The following FAM47E variants were observed in gnomAD, a reference collection of about 807,000 sequenced individuals.
FAM47E encodes the protein family with sequence similarity 47 member E, also known as protein FAM47E.
A neutral mutation model predicts 41.6 loss-of-function variants in FAM47E; 32 were observed. The ratio of observed to expected loss-of-function variants is 0.77; its 90% CI spans 0.58 to 1.03. The LOEUF (loss-of-function observed/expected upper bound fraction) is 1.03. Ranked by LOEUF, FAM47E falls within the 50% of genes least tolerant of loss-of-function variation. The probability of loss-of-function intolerance (pLI) is 0.00; values close to 1 mark genes in which losing one functional copy is unlikely to be tolerated. For missense variants in FAM47E, 424 were observed against 485.4 expected (o/e 0.87, Z 1.19); for synonymous variants, 184 against 188.7 (o/e 0.98, Z 0.20).
At chr4:76,280,589 T>C (rs1345871940) in intron 7 of FAM47E, 4 of 359,240 alleles carry the variant, frequency 1.1e-5, no homozygotes, top group African/African-American at 6.2e-5. Context: ...CCTGTGATCT[T>C]TGACTCATCT....
At chr4:76,215,139 T>C (rs561357050) in intron 1 of FAM47E, among the ~76,000 whole-genome samples, 2 of 152,326 alleles carry the variant, frequency 1.3e-5, no homozygotes, top group South Asian at 4.1e-4. Context: ...TAGGGATAAA[T>C]ATCAGGGTAT....
chr4:76,216,110 G>C (rs1733202150), intron 1 of FAM47E, among the ~76,000 whole-genome samples: 1 of 152,164 alleles, frequency 6.6e-6, no homozygotes, highest in East Asian at 1.9e-4. Context: ...GTGGTCTCCA[G>C]TCCTCAGGTG....
At position 76,235,629 on chromosome 4, in the gene FAM47E, C is replaced by G. The variant is rs116361144; in HGVS notation, c.81+17941C>G. ...ACAGATAGGGATTCCCAGTTAAGGGCTCAAGAGAGATCAACCTGTTAAGAG... is the reference window on the plus strand; with the variant it reads ...ACAGATAGGGATTCCCAGTTAAGGGGTCAAGAGAGATCAACCTGTTAAGAG... On this transcript the variant is annotated intron_variant, in intron 2 of 7. Transcript: ENST00000510197. Among the ~76,000 whole-genome samples the G allele has an allele frequency of 4.2e-3, 639 of 152,260 alleles. 3 individuals are homozygous for G. The highest frequency in any genetic ancestry group is 7.5e-3 in the Non-Finnish European group (510 of 68,020).
Position 76,268,769 on chromosome 4 carries a change from G to A in FAM47E, c.669+1G>A. ...TCCTCGTCCTGGTCTTCATGAAAAT[G>A]TATGCAAAGCAGTTAGTGACTTCTG... On this transcript the variant is annotated splice_donor_variant, in intron 4 of 7. Transcript: ENST00000424749. LOFTEE classifies it high-confidence loss of function. The A allele has an allele frequency of 6.4e-7, 1 of 1,551,436 alleles. No individual in the cohort carries two copies. Among genetic ancestry groups the A allele is most frequent in the Non-Finnish European group, 8.7e-7 (1 of 1,146,900 alleles).
intron 5 of FAM47E, among the ~76,000 whole-genome samples, chr4:76,273,420 C>T (rs1394010064): frequency 1.3e-5 from 2 of 152,206 alleles, no homozygotes; most frequent in East Asian, 3.8e-4. Context: ...AGTTAATTCA[C>T]AGTTTTAAAA....
Position 76,256,184 on chromosome 4 carries a change from C to T in FAM47E, c.81C>T (p.Phe27=), listed in dbSNP as rs1734182790. 6.4e-7 allele frequency: 1 copy of T among 1,550,418 alleles called. No homozygotes were observed. Among genetic ancestry groups the T allele is most frequent in the African/African-American group, 1.4e-5 (1 of 72,974 alleles). ...REGVNCRSRC[F]TKHKNGLKFP... Reference sequence around the variant, plus strand: ...GAATCTATCTACCTTCCAGATGTTTCACAAAGCACAAGAACGGGCTGAAGT... The same window carrying T: ...GAATCTATCTACCTTCCAGATGTTTTACAAAGCACAAGAACGGGCTGAAGT... Residue 27 remains phenylalanine (F), a synonymous_variant, in exon 2 of 8, where the codon TTC becomes TTT. Coordinates refer to ENST00000424749, the MANE Select transcript of FAM47E (RefSeq NM_001136570.3).
intron 1 of FAM47E, 69 bp from the exon 2 acceptor site, chr4:76,256,109 C>T (rs1734179937): frequency 6.8e-7 from 1 of 1,477,706 alleles, no homozygotes; most frequent in Non-Finnish European, 9.1e-7. Context: ...TTCTCCCACC[C>T]AAGTCCTGTG....
chr4:76,269,699 G>A (rs985170271), intron 4 of FAM47E: 4 of 151,930 alleles, frequency 2.6e-5, no homozygotes, highest in African/African-American at 9.7e-5. Flanking sequence ...GAGGTGGGAG[G>A]ATTGCTTGAG....
chr4:76,215,732 G>C (rs1347071726), intron 1 of FAM47E, among the ~76,000 whole-genome samples: 3 of 152,084 alleles, frequency 2.0e-5, no homozygotes, highest in Non-Finnish European at 4.4e-5. Context: ...GGAGACTGCT[G>C]CAGAGAACAT....
chr4:76,242,845 A>G (rs1213377786), intron 2 of FAM47E, among the ~76,000 whole-genome samples: 1 of 152,192 alleles, frequency 6.6e-6, no homozygotes, highest in East Asian at 1.9e-4. Flanking sequence ...GTTTCTCTTT[A>G]CTTTTAAAAA....
In FAM47E at chr4:76,233,861, T is replaced by TG. The variant is rs71212406; in HGVS notation, c.81+16181dup. Reference sequence around the variant, plus strand: ...GATAATACAAACAGAGATAGTTGGTTGGGGGGGGCTTGGTTTAGTAAAGCA... The same window carrying TG: ...GATAATACAAACAGAGATAGTTGGTTGGGGGGGGGCTTGGTTTAGTAAAGCA... On this transcript the variant is annotated intron_variant, in intron 2 of 7. Coordinates refer to the FAM47E transcript ENST00000510197. Among the ~76,000 whole-genome samples the TG allele has an allele frequency of 2.7e-3, 410 of 151,830 alleles. 2 individuals are homozygous for TG. The highest frequency in any genetic ancestry group is 4.6e-3 in the Non-Finnish European group (309 of 67,896).
At chr4:76,262,908 G>T (rs1469871218) in intron 2 of FAM47E, among the ~76,000 whole-genome samples, 1 of 151,970 alleles carries the variant, frequency 6.6e-6, no homozygotes, top group Non-Finnish European at 1.5e-5. Flanking sequence ...ACTACAGGAG[G>T]GCACCACCAT....
rs1322912017 is a variant in FAM47E, at chr4:76,268,805, A to G, written c.669+37A>G. 18 of 1,548,974 alleles carry G rather than the reference A, an allele frequency of 1.2e-5. 1 individual carries two copies. In the South Asian group the frequency reaches 2.0e-4, roughly 18 times the overall value. On this transcript the variant is annotated intron_variant, in intron 4 of 7. Transcript: ENST00000424749. ...AGTTAGTGACTTCTGCAAGTGGGTT[A>G]CTACTTTTGTAAGTTAGTGGTAATA...
At chr4:76,242,123 C>T (rs10446680) in intron 2 of FAM47E, among the ~76,000 whole-genome samples, 126,255 of 152,208 alleles carry the variant, frequency 0.83, 52,600 homozygotes, top group Middle Eastern at 0.88. Flanking sequence ...AGGAAACTTA[C>T]GGATAAATTT....
intron 2 of FAM47E, among the ~76,000 whole-genome samples, chr4:76,234,729 G>A (rs1322603661): frequency 6.6e-6 from 1 of 152,160 alleles, no homozygotes; most frequent in Non-Finnish European, 1.5e-5. Context: ...GGGCAATATA[G>A]TGACACCTTT....
intron 2 of FAM47E, among the ~76,000 whole-genome samples, chr4:76,244,533 CT>C (rs71212407): frequency 0.05 from 3,322 of 66,160 alleles, 10 homozygotes; most frequent in African/African-American, 0.084. Flanking sequence ...AGGCATTCTT[CT>C]TTTTTTTTTT....
intron 2 of FAM47E, among the ~76,000 whole-genome samples, chr4:76,232,739 C>A (rs1733514909): frequency 6.6e-6 from 1 of 151,912 alleles, no homozygotes; most frequent in African/African-American, 2.4e-5. Flanking sequence ...CAGGGGCCCT[C>A]TGGACTATCT....
chr4:76,265,488 CGA>C (rs1183490959), intron 3 of FAM47E, among the ~76,000 whole-genome samples: 1 of 152,056 alleles, frequency 6.6e-6, no homozygotes, highest in Non-Finnish European at 1.5e-5. Context: ...GGTGAGGGAG[CGA>C]GAGGAGTGTT....
At chr4:76,223,798 C>T (rs1733348927) in intron 2 of FAM47E, among the ~76,000 whole-genome samples, 1 of 152,154 alleles carries the variant, frequency 6.6e-6, no homozygotes, top group Admixed American at 6.5e-5. Flanking sequence ...TTTGGACTCT[C>T]CACTCTCCAC....
Sources: allele counts gnomAD v4.1 joint callset (sites outside exome capture counted in the v4.1 genomes callset), GRCh38; gene constraint gnomAD v4.1.1; transcripts MANE v1.5; gene names NCBI Gene and HGNC (gene_info 2026-07-23, HGNC 2026-07-21).